The following ADAM18 variants were observed in gnomAD, a reference collection of about 807,000 sequenced individuals.
ADAM18 encodes ADAM metallopeptidase domain 18.
A neutral mutation model predicts 94.4 loss-of-function variants in ADAM18; 117 were observed. The observed-to-expected ratio is 1.24, with a 90% confidence interval of 1.07 to 1.45. The LOEUF (loss-of-function observed/expected upper bound fraction) is 1.45. Ranked by LOEUF, ADAM18 falls within the 40% of genes most tolerant of loss-of-function variation. The pLI is 0.00. For missense variants in ADAM18, 936 were observed against 880.0 expected (o/e 1.06, Z -0.81); for synonymous variants, 327 against 291.6 (o/e 1.12, Z -1.24).
intron 18 of ADAM18, 111 bp downstream of exon 18, chr8:39,707,015 C>T (rs1266002356): frequency 1.6e-6 from 1 of 612,886 alleles, no homozygotes; most frequent in Non-Finnish European, 2.8e-6. Flanking sequence ...GCAGCAGTCC[C>T]TCCTTATTTG....
intron 14 of ADAM18, among the ~76,000 whole-genome samples, chr8:39,676,416 A>C (rs1348559598): frequency 6.6e-6 from 1 of 152,230 alleles, no homozygotes; most frequent in Non-Finnish European, 1.5e-5. Flanking sequence ...CTGCGCTAGC[A>C]GTGAGCAAGG....
chr8:39,629,336 G>A, intron 6 of ADAM18, 38 bp from the exon 7 acceptor site: 1 of 1,467,120 alleles, frequency 6.8e-7, no homozygotes, highest in South Asian at 1.3e-5. Context: ...TTCAATACAT[G>A]TTAACATTTT....
At chr8:39,680,618 T>C (rs1821429894) in intron 16 of ADAM18, among the ~76,000 whole-genome samples, 1 of 152,132 alleles carries the variant, frequency 6.6e-6, no homozygotes, top group South Asian at 2.1e-4. Flanking sequence ...GTACAAAAGG[T>C]TTGGAACCAA....
chr8:39,709,290 G>A (rs1822328860), intron 18 of ADAM18, among the ~76,000 whole-genome samples: 1 of 152,176 alleles, frequency 6.6e-6, no homozygotes, highest in South Asian at 2.1e-4. Context: ...ATGCCATCAA[G>A]CTGTCCTTCT....
At chr8:39,645,112 C>G (rs1045655656) in intron 10 of ADAM18, among the ~76,000 whole-genome samples, 31 of 152,006 alleles carry the variant, frequency 2.0e-4, no homozygotes, top group African/African-American at 7.5e-4. Context: ...AGAATTTTGG[C>G]GTGCAAAATT....
chr8:39,600,301 A>G (rs1818864469), intron 2 of ADAM18, among the ~76,000 whole-genome samples: 1 of 152,138 alleles, frequency 6.6e-6, no homozygotes, highest in South Asian at 2.1e-4. Context: ...TGACTTAGGT[A>G]ATATTTAGAA....
chr8:39,601,696 T>C lies in ADAM18; in HGVS notation c.133-4611T>C, dbSNP rs569983739. On this transcript the variant is annotated intron_variant, in intron 2 of 19. Coordinates refer to ENST00000265707, the MANE Select transcript of ADAM18 (RefSeq NM_014237.3). The stretch of plus-strand genomic sequence containing the variant: ...GTACAATAACGTACATAAGATAAAA[T>C]ATACCACTGTAACTATTTTTAAGTA... 3.3e-5 allele frequency among the ~76,000 whole-genome samples: 5 copies of C among 152,348 alleles called. No individual in the cohort carries two copies. In the South Asian group the frequency reaches 8.3e-4, roughly 25 times the overall value.
Position 39,648,454 on chromosome 8 carries a change from T to C in ADAM18, c.1157T>C (p.Leu386Ser). The C allele has an allele frequency of 1.2e-6, 2 of 1,613,068 alleles. No individual in the cohort carries two copies. The highest frequency in any genetic ancestry group is 1.7e-6 in the Non-Finnish European group (2 of 1,179,540). The change falls in exon 12 of 20, where the codon TTA becomes TCA. Residue 386 changes from leucine (L) to serine (S), a missense_variant. Leu to Ser is a moderately radical substitution (Grantham distance 145). Coordinates refer to ENST00000265707, the MANE Select transcript of ADAM18 (RefSeq NM_014237.3). ...CAGAAGCTTTCAAATTTGCAACCAT[T>C]ACATCAAAATCAACCAGTGTGTGGT... ...CLQKLSNLQP[L>S]HQNQPVCGNG...
At chr8:39,722,315 T>TTATA (rs5891065) in intron 18 of ADAM18, among the ~76,000 whole-genome samples, 8 of 146,116 alleles carry the variant, frequency 5.5e-5, no homozygotes. Context: ...TTATATTTCT[T>TTATA]TATATATATA....
intron 7 of ADAM18, 36 bp from the exon 8 acceptor site, chr8:39,637,228 A>T (rs751854878): frequency 4.8e-6 from 7 of 1,462,384 alleles, no homozygotes; most frequent in Non-Finnish European, 6.6e-6. Context: ...TGGATTCAAA[A>T]TAATACTTTC....
intron 6 of ADAM18, among the ~76,000 whole-genome samples, chr8:39,628,599 T>A (rs1819840940): frequency 6.6e-6 from 1 of 152,076 alleles, no homozygotes. Context: ...ACTATTCTAT[T>A]GCAGATTCAA....
chr8:39,638,182 AAACT>A (rs1451215495), intron 9 of ADAM18, among the ~76,000 whole-genome samples: 1 of 151,878 alleles, frequency 6.6e-6, no homozygotes, highest in African/African-American at 2.4e-5. Context: ...TTTGATAACC[AAACT>A]AAGTTGAATT....
intron 12 of ADAM18, among the ~76,000 whole-genome samples, chr8:39,658,371 G>A (rs1455765403): frequency 6.6e-6 from 1 of 152,082 alleles, no homozygotes; most frequent in Non-Finnish European, 1.5e-5. Flanking sequence ...GCATCCAATT[G>A]CTCAGATTTT....
chr8:39,698,259 A>T (rs1176772908), intron 17 of ADAM18, among the ~76,000 whole-genome samples: 4 of 151,670 alleles, frequency 2.6e-5, no homozygotes, highest in African/African-American at 9.7e-5. Context: ...TTCCATTTTT[A>T]AATTTCTTTA....
chr8:39,686,225 C>T (rs545454170), intron 16 of ADAM18, among the ~76,000 whole-genome samples: 1 of 152,210 alleles, frequency 6.6e-6, no homozygotes, highest in East Asian at 1.9e-4. Flanking sequence ...GGCAACATTC[C>T]ACCTCTCGGT....
At chr8:39,609,783 T>A (rs1335254111) in intron 5 of ADAM18, among the ~76,000 whole-genome samples, 1 of 152,192 alleles carries the variant, frequency 6.6e-6, no homozygotes, top group Non-Finnish European at 1.5e-5. Context: ...TGGAATAGTT[T>A]CATGGAAGAA....
intron 15 of ADAM18, 54 bp from the exon 16 acceptor site, chr8:39,679,983 C>T (rs1821398718): frequency 3.8e-6 from 6 of 1,566,272 alleles, no homozygotes; most frequent in Non-Finnish European, 5.2e-6. Context: ...TCACTTGGAA[C>T]TTGTTATCAT....
intron 18 of ADAM18, among the ~76,000 whole-genome samples, chr8:39,719,175 T>C (rs1822673017): frequency 6.6e-6 from 1 of 151,256 alleles, no homozygotes; most frequent in Non-Finnish European, 1.5e-5. Context: ...AAACCAGAAA[T>C]AGACATGCAA....
At chr8:39,600,987 G>T (rs182367045) in intron 2 of ADAM18, among the ~76,000 whole-genome samples, 202 of 152,320 alleles carry the variant, frequency 1.3e-3, no homozygotes, top group African/African-American at 4.7e-3. Flanking sequence ...GGTTGTACAG[G>T]AAGCATGGCT....
Sources: allele counts gnomAD v4.1 joint callset (sites outside exome capture counted in the v4.1 genomes callset), GRCh38; gene constraint gnomAD v4.1.1; transcripts MANE v1.5; gene names NCBI Gene and HGNC (gene_info 2026-07-23, HGNC 2026-07-21).